CES1: variants seen among roughly 807,000 people sequenced by gnomAD.
CES1 encodes carboxylesterase 1.
In CES1, 50 loss-of-function variants were observed where a neutral mutation model predicts 53.0. The ratio of observed to expected loss-of-function variants is 0.94; its 90% CI spans 0.75 to 1.19. The LOEUF is 1.19. Among genes scored for constraint, CES1 ranks in the 50% most tolerant of loss-of-function variants. The pLI is 0.00. For synonymous variants in CES1, 202 were observed against 210.1 expected, an observed-to-expected ratio of 0.96 and a Z score of 0.33; for missense variants, 534 against 538.0, an observed-to-expected ratio of 0.99 and a Z score of 0.07.
intron 1 of CES1, 108 bp downstream of exon 1, chr16:55,832,896 G>A (rs1196836686): frequency 5.7e-6 from 6 of 1,060,270 alleles, no homozygotes; most frequent in Admixed American, 5.1e-5. Flanking sequence ...GTGCCCCGCC[G>A]CAGAGCCGGA....
intron 8 of CES1, among the ~76,000 whole-genome samples, chr16:55,816,406 G>A (rs1299974787): frequency 3.3e-5 from 5 of 152,242 alleles, no homozygotes; most frequent in African/African-American, 9.6e-5. Flanking sequence ...GGACAGGATT[G>A]TAAGATTCGT....
intron 9 of CES1, chr16:55,812,500 T>C: frequency 3.2e-6 from 1 of 308,450 alleles, no homozygotes; most frequent in Non-Finnish European, 6.4e-6. Flanking sequence ...ATGAAGAGCA[T>C]GAGTGATTTT....
In CES1 at chr16:55,832,891, C is replaced by G; in HGVS notation, c.52+113G>C. The G allele has an allele frequency of 6.8e-6, 7 of 1,023,514 alleles. No homozygotes were observed. The South Asian group carries it at 8.9e-5, about 13-fold the overall frequency. 63.4% of individuals were successfully genotyped at this position (1,023,514 alleles called of 1,614,324 possible). ...CAAGTCCTAATATGGAAGTCGTGCCCCGCCGCAGAGCCGGACCTGTTGTGT... is the reference window on the plus strand; with the variant it reads ...CAAGTCCTAATATGGAAGTCGTGCCGCGCCGCAGAGCCGGACCTGTTGTGT... On this transcript the variant is annotated intron_variant, in intron 1 of 13. Transcript: ENST00000360526.
At chr16:55,817,718 CTGTG>C (rs1234663018) in intron 7 of CES1, among the ~76,000 whole-genome samples, 4 of 150,340 alleles carry the variant, frequency 2.7e-5, no homozygotes, top group Non-Finnish European at 4.4e-5. Context: ...GTGTGTGTCT[CTGTG>C]TGTGTGTGTC....
At chr16:55,821,226 C>T (rs1249918478) in intron 5 of CES1, 142 bp downstream of exon 5, 2 of 1,130,716 alleles carry the variant, frequency 1.8e-6, no homozygotes, top group East Asian at 2.4e-5. Context: ...TTTCTACCCC[C>T]TGATGCTGGG....
At chr16:55,831,148 G>A (rs1597095083) in intron 1 of CES1, among the ~76,000 whole-genome samples, 1 of 151,716 alleles carries the variant, frequency 6.6e-6, no homozygotes, top group African/African-American at 2.4e-5. Flanking sequence ...CAGTGTGAGA[G>A]GGAAGAGAAA....
intron 3 of CES1, among the ~76,000 whole-genome samples, chr16:55,824,556 A>C (rs2032343639): frequency 1.3e-5 from 2 of 152,354 alleles, no homozygotes; most frequent in South Asian, 4.1e-4. Flanking sequence ...GGAGGCACTT[A>C]ACCTGCCCAA....
chr16:55,829,359 C>A (rs1170717197), intron 1 of CES1, among the ~76,000 whole-genome samples: 4 of 152,208 alleles, frequency 2.6e-5, no homozygotes, highest in Non-Finnish European at 4.4e-5. Flanking sequence ...AAGCACTGAC[C>A]ATTATAGGGA....
chr16:55,830,823 C>CAGGAAGGA (rs1362835017), intron 1 of CES1, among the ~76,000 whole-genome samples: 4 of 84,798 alleles, frequency 4.7e-5, no homozygotes, highest in African/African-American at 1.9e-4. Context: ...GGAAGGAAGG[C>CAGGAAGGA]AGGCAGGCAG....
intron 1 of CES1, among the ~76,000 whole-genome samples, chr16:55,831,802 C>G (rs1239325447): frequency 1.3e-5 from 2 of 151,666 alleles, no homozygotes; most frequent in African/African-American, 2.4e-5. Context: ...GATTCAGGAC[C>G]CAGAGACAGA....
chr16:55,813,932 A>G (rs1355637613), intron 8 of CES1, among the ~76,000 whole-genome samples: 1 of 152,260 alleles, frequency 6.6e-6, no homozygotes, highest in Non-Finnish European at 1.5e-5. Context: ...CATGCCCATC[A>G]TGCAAATCCA....
intron 8 of CES1, among the ~76,000 whole-genome samples, chr16:55,814,043 A>G (rs1266333743): frequency 6.6e-6 from 1 of 151,756 alleles, no homozygotes; most frequent in Non-Finnish European, 1.5e-5. Context: ...GAATTTATAA[A>G]CACAGAATCC....
chr16:55,831,220 G>A (rs1450201472), intron 1 of CES1, among the ~76,000 whole-genome samples: 1 of 151,916 alleles, frequency 6.6e-6, no homozygotes, highest in African/African-American at 2.4e-5. Context: ...TCAGAATAGG[G>A]GAGAGAGAAC....
chr16:55,813,027 C>G lies in CES1; in HGVS notation c.962G>C (p.Gly321Ala), dbSNP rs749290294. ...GDPRESQPLL[G>A]TVIDGMLLLK... Reference sequence around the variant, plus strand: ...CAGCAGCATCCCATCAATCACAGTGCCCAGAAGGGGTTGACTCTGGGGAGA... The same window carrying G: ...CAGCAGCATCCCATCAATCACAGTGGCCAGAAGGGGTTGACTCTGGGGAGA... Residue 321 changes from glycine (G) to alanine (A), a missense_variant, in exon 9 of 14, where the codon GGC (glycine) becomes GCC (alanine). Around this residue, in one of 5 missense-constraint regions of CES1, gnomAD observed 269 missense variants for 206.6 expected, o/e 1.30. Transcript: ENST00000360526. 1.2e-5 allele frequency: 20 copies of G among 1,613,830 alleles called. No individual in the cohort carries two copies. The South Asian group carries it at 2.0e-4, about 16-fold the overall frequency.
chr16:55,817,085 T>G (rs1263359213), intron 7 of CES1, 123 bp from the exon 8 acceptor site: 1 of 1,057,296 alleles, frequency 9.5e-7, no homozygotes, highest in Non-Finnish European at 1.5e-6. Flanking sequence ...TATATCTATA[T>G]GTGACCTGCG....
chr16:55,808,899 C>A (rs555236590), intron 11 of CES1, among the ~76,000 whole-genome samples: 1 of 151,738 alleles, frequency 6.6e-6, no homozygotes, highest in African/African-American at 2.4e-5. Flanking sequence ...AATCTTTAGA[C>A]GAAAACACAA....
rs764798019 is a variant in CES1, at chr16:55,819,533, A to C, written c.906+2T>G. ...TTTGGGCTACGGGAACAGGCAACCTACCATTTTCAATGTCGTCTCCAAGAG... is the reference window on the plus strand; with the variant it reads ...TTTGGGCTACGGGAACAGGCAACCTCCCATTTTCAATGTCGTCTCCAAGAG... On this transcript the variant is annotated splice_donor_variant, in intron 7 of 13. Transcript: ENST00000360526. LOFTEE classifies it high-confidence loss of function. 3.8e-5 allele frequency: 61 copies of C among 1,609,766 alleles called. No homozygotes were observed. Among genetic ancestry groups the C allele is most frequent in the Non-Finnish European group, 5.0e-5 (59 of 1,176,214 alleles).
intron 1 of CES1, among the ~76,000 whole-genome samples, chr16:55,830,920 G>T (rs1276231054): frequency 6.6e-6 from 1 of 152,150 alleles, no homozygotes; most frequent in African/African-American, 2.4e-5. Flanking sequence ...AGAGGTGGGG[G>T]AAATGGAAGG....
At chr16:55,812,560 G>A (rs1209737701) in intron 9 of CES1, 25 of 379,912 alleles carry the variant, frequency 6.6e-5, no homozygotes, top group Admixed American at 1.5e-4. Flanking sequence ...GGAAGCCCCC[G>A]ACTGCTTCTC....
Sources: gnomAD v4.1 joint callset for allele counts (sites outside exome capture counted in the v4.1 genomes callset) on GRCh38, gnomAD v4.1.1 for gene constraint, gnomAD v4.1.1 regional missense constraint, MANE v1.5 for transcripts, NCBI Gene and HGNC (gene_info 2026-07-23, HGNC 2026-07-21) for gene names.